APC: variants seen among roughly 807,000 people sequenced by gnomAD.
APC encodes the protein APC regulator of Wnt signaling pathway.
Under a neutral mutation model 247.0 loss-of-function variants are expected in APC, and 72 were observed. The observed-to-expected ratio is 0.29, with a 90% CI of 0.24 to 0.35. APC has a LOEUF of 0.35. Among genes scored for constraint, APC ranks in the 10% least tolerant of loss-of-function variants. The probability of loss-of-function intolerance (pLI) is 1.00; values close to 1 mark genes in which losing one functional copy is unlikely to be tolerated. For synonymous variants in APC, 1,254 were observed against 1,162.5 expected (o/e 1.08, Z -1.60); for missense variants, 3,400 against 3,360.7 (o/e 1.01, Z -0.29).
chr5:112,744,228 A>G (rs1441590137), intron 1 of APC, among the ~76,000 whole-genome samples: 1 of 152,072 alleles, frequency 6.6e-6, no homozygotes, highest in Non-Finnish European at 1.5e-5. Context: ...ATACCTAAAT[A>G]TGGTACCTTG....
intron 6 of APC, among the ~76,000 whole-genome samples, chr5:112,791,931 T>C (rs1473847699): frequency 6.6e-6 from 1 of 152,090 alleles, no homozygotes; most frequent in Non-Finnish European, 1.5e-5. Context: ...TTGAATAAAG[T>C]CCAGTGTATT....
intron 8 of APC, among the ~76,000 whole-genome samples, chr5:112,808,408 AG>A (rs1259105256): frequency 6.6e-6 from 1 of 152,130 alleles, no homozygotes; most frequent in Non-Finnish European, 1.5e-5. Flanking sequence ...TAGTTATTGA[AG>A]AACTAAAGTT....
rs762030106 is a variant in APC, at chr5:112,840,427, G to C, written c.4833G>C (p.Gln1611His). 2 of 1,614,076 alleles carry C rather than the reference G, an allele frequency of 1.2e-6. No individual in the cohort carries two copies. The highest frequency in any genetic ancestry group is 1.7e-6 in the Non-Finnish European group (2 of 1,180,048). The change falls in exon 16 of 16, where the codon CAG (glutamine) becomes CAC (histidine). Residue 1611 changes from glutamine to histidine, a missense_variant. Physicochemically the swap from Gln to His is conservative, Grantham distance 24. Coordinates refer to ENST00000257430, the MANE Select transcript of APC (RefSeq NM_000038.6). This position sits in a 1 kb window ranked among gnomAD's most constrained non-coding sequence, Gnocchi z 4.1. ...CACCTGTGGCAAGGAAACCAAGTCA[G>C]CTGCCTGTGTACAAACTTCTACCAT... ...LPPPVARKPS[Q>H]LPVYKLLPSQ...
chr5:112,762,149 C>T (rs1178394347), intron 2 of APC, among the ~76,000 whole-genome samples: 1 of 152,188 alleles, frequency 6.6e-6, no homozygotes, highest in East Asian at 1.9e-4. Flanking sequence ...AAAAGGGATT[C>T]AGCATCATTT....
At chr5:112,760,811 C>A (rs1273785413) in intron 2 of APC, among the ~76,000 whole-genome samples, 1 of 150,596 alleles carries the variant, frequency 6.6e-6, no homozygotes, top group Non-Finnish European at 1.5e-5. Flanking sequence ...GGTCTCAATC[C>A]ATTTTTTTTT....
upstream of APC, among the ~76,000 whole-genome samples, chr5:112,732,937 C>T (rs1752168873): frequency 6.6e-6 from 1 of 152,110 alleles, no homozygotes; most frequent in Non-Finnish European, 1.5e-5. Context: ...CATAATGATC[C>T]TTATTACAGC....
chr5:112,737,874 G>C (rs115242894), upstream of APC: 954 of 985,674 alleles, frequency 9.7e-4, 5 homozygotes, highest in African/African-American at 0.015. Flanking sequence ...GGTGCAGCCC[G>C]CCAGGGTGTC....
chr5:112,778,554 T>C (rs1021413934), intron 5 of APC: 1 of 151,422 alleles, frequency 6.6e-6, no homozygotes, highest in Non-Finnish European at 1.5e-5. Flanking sequence ...TAACTTATTT[T>C]TTTTTTTTTT....
intron 1 of APC, among the ~76,000 whole-genome samples, chr5:112,723,198 C>T (rs561854140): frequency 3.3e-5 from 5 of 152,252 alleles, no homozygotes; most frequent in African/African-American, 1.2e-4. Flanking sequence ...CAGGAACTGG[C>T]TGGGCGTGGT....
rs1475119600 is a variant in APC, at chr5:112,844,827, T to C, written c.*701T>C. ...AAACTATTTTACCTGAACTAGATTT[T>C]ATCTGAAAGTAGGTAGAATTTTTGC... On this transcript the variant is annotated 3_prime_UTR_variant, in exon 16 of 16. Coordinates refer to ENST00000257430, the MANE Select transcript of APC (RefSeq NM_000038.6). The C allele has an allele frequency of 1.3e-5, 3 of 232,292 alleles. No homozygotes were observed. Among genetic ancestry groups the C allele is most frequent in the African/African-American group, 6.6e-5 (3 of 45,312 alleles). 14.4% of individuals were successfully genotyped at this position (232,292 alleles called of 1,614,324 possible). A position where few individuals can be genotyped will look rare whatever the true frequency, so the allele number is the denominator to read the frequency against.
intron 11 of APC, among the ~76,000 whole-genome samples, chr5:112,822,375 C>G (rs1740911049): frequency 6.6e-6 from 1 of 152,164 alleles, no homozygotes; most frequent in Admixed American, 6.5e-5. Flanking sequence ...TGAACTCAGT[C>G]ACTTTTGATG....
At chr5:112,782,242 C>G (rs980269652) in intron 6 of APC, among the ~76,000 whole-genome samples, 5 of 152,100 alleles carry the variant, frequency 3.3e-5, no homozygotes, top group African/African-American at 1.2e-4. Flanking sequence ...ACCATCAGAT[C>G]TCGTGAGAAT....
intron 2 of APC, among the ~76,000 whole-genome samples, chr5:112,756,581 G>T (rs1487234773): frequency 6.6e-6 from 1 of 152,182 alleles, no homozygotes; most frequent in Non-Finnish European, 1.5e-5. Context: ...AACTCCTCCT[G>T]GCAGGCCTGT....
intron 1 of APC, among the ~76,000 whole-genome samples, chr5:112,743,894 G>GT (rs1392659795): frequency 1.3e-5 from 2 of 152,086 alleles, no homozygotes; most frequent in South Asian, 2.1e-4. Context: ...TTGTTTGTTG[G>GT]TTTTTTTCCC....
intron 4 of APC, among the ~76,000 whole-genome samples, chr5:112,773,152 C>T (rs1160375139): frequency 6.6e-6 from 1 of 152,166 alleles, no homozygotes; most frequent in Non-Finnish European, 1.5e-5. Flanking sequence ...AAGGTTGCCA[C>T]ATAAGAACAA....
chr5:112,767,043 A>G, intron 3 of APC, 146 bp from the exon 4 acceptor site: 1 of 726,106 alleles, frequency 1.4e-6, no homozygotes, highest in East Asian at 2.7e-5. Context: ...TTTCAGGGAA[A>G]GTCCTAAATA....
chr5:112,740,524 C>CTTTTTT (rs11286305), intron 1 of APC, among the ~76,000 whole-genome samples: 9 of 99,126 alleles, frequency 9.1e-5, no homozygotes, highest in Non-Finnish European at 1.4e-4. Context: ...GTTTTTTTTT[C>CTTTTTT]TTTTTTTTTT....
In APC at chr5:112,843,067, G is replaced by A. The variant is rs1554088389; in HGVS notation, c.7473G>A (p.Met2491Ile). 6.2e-7 allele frequency: 1 copy of A among 1,613,886 alleles called. No individual in the cohort carries two copies. The highest frequency in any genetic ancestry group is 8.5e-7 in the Non-Finnish European group (1 of 1,179,840). Reference sequence around the variant, plus strand: ...TTTTAAGTCCTTCCCTTCCTGATATGTCTCTATCCACACATTCGTCTGTTC... The same window carrying A: ...TTTTAAGTCCTTCCCTTCCTGATATATCTCTATCCACACATTCGTCTGTTC... Reference protein sequence around the residue: ...TPVLSPSLPDMSLSTHSSVQA... With the variant: ...TPVLSPSLPDISLSTHSSVQA... The change falls in exon 16 of 16, where the codon ATG becomes ATA. Residue 2491 changes from methionine to isoleucine, a missense_variant. By Grantham distance (10) the Met-to-Ile change is conservative. This residue lies in a region of APC where 1,788 missense variants were observed against 1,649.5 expected (regional missense o/e 1.08). Transcript: ENST00000257430. This position sits in a 1 kb window ranked among gnomAD's most constrained non-coding sequence, Gnocchi z 4.8.
intron 9 of APC, 145 bp downstream of exon 9, chr5:112,815,738 C>G: frequency 1.7e-6 from 1 of 598,244 alleles, no homozygotes; most frequent in Non-Finnish European, 3.1e-6. Context: ...GAGTTCAAGA[C>G]CAGCCTGGGC....
Sources: gnomAD v4.1 joint callset for allele counts (sites outside exome capture counted in the v4.1 genomes callset) on GRCh38, gnomAD v4.1.1 for gene constraint, gnomAD v4.1.1 regional missense constraint, Gnocchi (gnomAD v3.1) non-coding constraint, MANE v1.5 for transcripts, NCBI Gene and HGNC (gene_info 2026-07-23, HGNC 2026-07-21) for gene names.